NKAIN2: variants seen among roughly 807,000 people sequenced by gnomAD.
NKAIN2 encodes the protein sodium/potassium transporting ATPase interacting 2.
A neutral mutation model predicts 32.6 loss-of-function variants in NKAIN2; 14 were observed. The observed-to-expected ratio is 0.43, with a 90% CI of 0.28 to 0.67. NKAIN2 has a LOEUF of 0.67. Among genes scored for constraint, NKAIN2 ranks in the 30% least tolerant of loss-of-function variants. The probability of loss-of-function intolerance (pLI) is 0.17; values close to 1 mark genes in which losing one functional copy is unlikely to be tolerated. For missense variants in NKAIN2, 198 were observed against 258.3 expected, an observed-to-expected ratio of 0.77 and a Z score of 1.60; for synonymous variants, 80 against 87.2, an observed-to-expected ratio of 0.92 and a Z score of 0.46.
intron 4 of NKAIN2, among the ~76,000 whole-genome samples, chr6:124,707,096 T>A (rs1030645570): frequency 1.3e-5 from 2 of 150,860 alleles, no homozygotes; most frequent in South Asian, 4.3e-4. Flanking sequence ...CGGTGTTTGG[T>A]TTTTTGTTCT....
intron 1 of NKAIN2, among the ~76,000 whole-genome samples, chr6:123,997,277 G>A (rs1041343536): frequency 6.6e-6 from 1 of 152,182 alleles, no homozygotes; most frequent in Non-Finnish European, 1.5e-5. Context: ...TCTGGTGACT[G>A]TTCTCTATAA....
At chr6:124,032,342 A>G (rs1017252785) in intron 1 of NKAIN2, among the ~76,000 whole-genome samples, 82 of 151,914 alleles carry the variant, frequency 5.4e-4, no homozygotes, top group African/African-American at 1.8e-3. Context: ...GCACACCAAC[A>G]TGGCACATGT....
chr6:124,810,454 A>G (rs1020575417), intron 5 of NKAIN2, among the ~76,000 whole-genome samples: 2 of 151,932 alleles, frequency 1.3e-5, no homozygotes, highest in Non-Finnish European at 2.9e-5. Context: ...GGACACAGGA[A>G]GGGGAACATC....
At chr6:124,658,536 G>C (rs997857760) in intron 4 of NKAIN2, 150 bp downstream of exon 4, 19 of 1,480,772 alleles carry the variant, frequency 1.3e-5, no homozygotes, top group Admixed American at 5.0e-5. Context: ...AAATCCTCAG[G>C]TTAAACTAAA....
At chr6:124,447,230 T>C (rs1306884854) in intron 3 of NKAIN2, among the ~76,000 whole-genome samples, 1 of 152,126 alleles carries the variant, frequency 6.6e-6, no homozygotes, top group African/African-American at 2.4e-5. Flanking sequence ...CGTTGTAATA[T>C]TATGATGTTT....
intron 2 of NKAIN2, among the ~76,000 whole-genome samples, chr6:124,302,751 A>G (rs1184829135): frequency 6.6e-6 from 1 of 152,196 alleles, no homozygotes; most frequent in African/African-American, 2.4e-5. Flanking sequence ...TGTGTACATT[A>G]TTGGAAAAAA....
chr6:124,168,449 T>C (rs945723880), intron 1 of NKAIN2, among the ~76,000 whole-genome samples: 6 of 152,156 alleles, frequency 3.9e-5, no homozygotes, highest in South Asian at 2.1e-4. Flanking sequence ...TGTCTATACA[T>C]GGAATATTGA....
chr6:123,978,563 C>T (rs895528462), intron 1 of NKAIN2, among the ~76,000 whole-genome samples: 1 of 152,152 alleles, frequency 6.6e-6, no homozygotes, highest in African/African-American at 2.4e-5. Flanking sequence ...TTCTCGTAGT[C>T]TCCTAGTCTC....
chr6:124,757,760 T>C (rs1463544719), intron 4 of NKAIN2, among the ~76,000 whole-genome samples: 4 of 152,112 alleles, frequency 2.6e-5, no homozygotes, highest in African/African-American at 9.7e-5. Flanking sequence ...ATCTAATGAG[T>C]GACTTGTTAT....
At chr6:124,655,030 G>A (rs1417433187) in intron 3 of NKAIN2, among the ~76,000 whole-genome samples, 3 of 152,132 alleles carry the variant, frequency 2.0e-5, no homozygotes, top group Admixed American at 2.0e-4. Context: ...TCAGATGTCT[G>A]TTAAATCCAG....
At chr6:124,295,788 A>G (rs1029205615) in intron 2 of NKAIN2, among the ~76,000 whole-genome samples, 3 of 152,148 alleles carry the variant, frequency 2.0e-5, no homozygotes, top group African/African-American at 7.2e-5. Flanking sequence ...AACATCTATA[A>G]TGCTCCTGGA....
chr6:124,077,762 A>ATT (rs201590702), intron 1 of NKAIN2, among the ~76,000 whole-genome samples: 8 of 147,852 alleles, frequency 5.4e-5, no homozygotes, highest in Admixed American at 1.4e-4. Flanking sequence ...ACACCCAGCT[A>ATT]TTTTTTTTTT....
At chr6:124,290,464 C>T (rs1795749942) in intron 2 of NKAIN2, among the ~76,000 whole-genome samples, 1 of 150,640 alleles carries the variant, frequency 6.6e-6, no homozygotes, top group South Asian at 2.1e-4. Flanking sequence ...TACTCTTCTC[C>T]AGCTGTTCCT....
intron 3 of NKAIN2, among the ~76,000 whole-genome samples, chr6:124,562,676 T>G (rs1780740050): frequency 6.6e-6 from 1 of 152,136 alleles, no homozygotes; most frequent in Non-Finnish European, 1.5e-5. Context: ...AATATTTTCA[T>G]GAAAAATAAC....
intron 3 of NKAIN2, among the ~76,000 whole-genome samples, chr6:124,603,930 G>C (rs1461227058): frequency 6.6e-6 from 1 of 151,980 alleles, no homozygotes; most frequent in Admixed American, 6.6e-5. Context: ...TAACTTCAAG[G>C]GGTTTTGTCA....
chr6:124,779,241 CAAAGAAAGAGAGAGAG>C (rs1444049579), intron 4 of NKAIN2, among the ~76,000 whole-genome samples: 5 of 90,992 alleles, frequency 5.5e-5, no homozygotes, highest in Admixed American at 1.3e-4. Context: ...CAGACTCCAA[CAAAGAAAGAGAGAGAG>C]AGAGAGAGAG....
chr6:123,816,569 A>G (rs1773704113), intron 1 of NKAIN2, among the ~76,000 whole-genome samples: 1 of 152,216 alleles, frequency 6.6e-6, no homozygotes, highest in Non-Finnish European at 1.5e-5. Context: ...GAAAAAGCAG[A>G]AAATGGAAGT....
chr6:124,515,706 G>GTTTTTTCCCTT lies in NKAIN2; in HGVS notation c.274-142480_274-142479insTTTTTTCCCTT, dbSNP rs1778883350. Among the ~76,000 whole-genome samples, 2 of 3,646 alleles carry GTTTTTTCCCTT rather than the reference G, an allele frequency of 5.5e-4. 1 individual carries two copies. The highest frequency in any genetic ancestry group is 0.025 in the Non-Finnish European group (2 of 80). The allele number at this position is 3,646 out of a possible 152,430, so 2.4% of individuals were successfully genotyped here. A position where few individuals can be genotyped will look rare whatever the true frequency, so the allele number is the denominator to read the frequency against. Reference sequence around the variant, plus strand: ...GCACTTCCCTACTTCATTTTTCTTCGCTTTCTCTCCGTCTCGCTCTGTCGC... The same window carrying GTTTTTTCCCTT: ...GCACTTCCCTACTTCATTTTTCTTCGTTTTTTCCCTTCTTTCTCTCCGTCTCGCTCTGTCGC... On this transcript the variant is annotated intron_variant, in intron 3 of 6. Coordinates refer to ENST00000368417, the MANE Select transcript of NKAIN2 (RefSeq NM_001040214.3).
intron 1 of NKAIN2, among the ~76,000 whole-genome samples, chr6:124,025,083 TA>T (rs1213189637): frequency 6.6e-6 from 1 of 152,164 alleles, no homozygotes; most frequent in Non-Finnish European, 1.5e-5. Context: ...ATGCTAAGTA[TA>T]AGATGCCTGG....
Sources: gnomAD v4.1 joint callset for allele counts (sites outside exome capture counted in the v4.1 genomes callset) on GRCh38, gnomAD v4.1.1 for gene constraint, MANE v1.5 for transcripts, NCBI Gene and HGNC (gene_info 2026-07-23, HGNC 2026-07-21) for gene names.